Variants in PCDHA10 observed in about 807,000 individuals in gnomAD.
PCDHA10 encodes protocadherin alpha 10.
PCDHA10 carries 45 observed loss-of-function variants against 61.2 expected under a neutral mutation model. The ratio of observed to expected loss-of-function variants is 0.74; its 90% CI spans 0.58 to 0.94. The LOEUF is 0.94. PCDHA10 is among the 40% of genes least tolerant of loss of function. The probability of loss-of-function intolerance (pLI) is 0.00; values close to 1 mark genes in which losing one functional copy is unlikely to be tolerated. For synonymous variants in PCDHA10, 602 were observed against 548.8 expected, an observed-to-expected ratio of 1.10 and a Z score of -1.35; for missense variants, 1,278 against 1,236.2, an observed-to-expected ratio of 1.03 and a Z score of -0.51.
rs1266651704 is a variant in PCDHA10, at chr5:140,877,267, G to A, written c.2388+18831G>A. ...GGTGGCGAAAGTGCGCGCGGTGGAC[G>A]CTGACTCCGGCTATAACGCTTGGCT... On this transcript the variant is annotated intron_variant, in intron 1 of 3. Coordinates refer to ENST00000307360, the MANE Select transcript of PCDHA10 (RefSeq NM_018901.4). 1.2e-5 allele frequency: 20 copies of A among 1,613,680 alleles called. No homozygotes were observed. Among genetic ancestry groups the A allele is most frequent in the Admixed American group, 6.7e-5 (4 of 59,982 alleles).
intron 3 of PCDHA10, among the ~76,000 whole-genome samples, chr5:141,007,506 T>A (rs1370245633): frequency 6.6e-6 from 1 of 151,948 alleles, no homozygotes; most frequent in Non-Finnish European, 1.5e-5. Flanking sequence ...AGGCAGAGAC[T>A]GCAGTGAGCT....
chr5:140,917,314 G>A (rs1554197960), intron 1 of PCDHA10, among the ~76,000 whole-genome samples: 1 of 142,492 alleles, frequency 7.0e-6, no homozygotes, highest in African/African-American at 2.6e-5. Context: ...ACAATTTGGT[G>A]TTCATGTGGC....
intron 1 of PCDHA10, chr5:140,868,773 G>A (rs1343929561): frequency 7.6e-6 from 2 of 262,984 alleles, no homozygotes; most frequent in African/African-American, 4.4e-5. Flanking sequence ...GTTTCAATAT[G>A]ACTTATAATC....
At chr5:140,931,977 T>G (rs1207911799) in intron 1 of PCDHA10, among the ~76,000 whole-genome samples, 2 of 151,978 alleles carry the variant, frequency 1.3e-5, no homozygotes, top group Non-Finnish European at 2.9e-5. Flanking sequence ...TATGTGTTTA[T>G]ATTTTGCTCA....
In PCDHA10 at chr5:140,993,460, TCTCACACA is replaced by T. The variant is rs782648313; in HGVS notation, c.2536+10899_2536+10906del. Among the ~76,000 whole-genome samples, 169 of 104,562 alleles carry T rather than the reference TCTCACACA, an allele frequency of 1.6e-3. 1 individual carries two copies. Among genetic ancestry groups the T allele is most frequent in the East Asian group, 0.012 (43 of 3,448 alleles). 68.6% of individuals were successfully genotyped at this position (104,562 alleles called of 152,430 possible). On this transcript the variant is annotated intron_variant, in intron 3 of 3. Coordinates refer to ENST00000307360, the MANE Select transcript of PCDHA10 (RefSeq NM_018901.4). ...TTCATTCCTGTTCTCCTTCTTTCTT[TCTCACACA>T]CACACACACACACACACACACACAC...
rs576037609 is a variant in PCDHA10, at chr5:140,856,982, A to C, written c.934A>C (p.Ser312Arg). 1.2e-5 allele frequency: 19 copies of C among 1,595,040 alleles called. 1 individual carries two copies. In the South Asian group the frequency reaches 1.9e-4, roughly 16 times the overall value. ...AAATGATGCTATTGACTTTGAGGAC[A>C]GTAACACTTATGAAATTCATGTAGA... is the stretch of plus-strand genomic sequence containing the variant. ...KVNDAIDFED[S>R]NTYEIHVDVT... Residue 312 changes from serine to arginine, a missense_variant, in exon 1 of 4, where the codon AGT becomes CGT. Ser to Arg is a moderately radical substitution (Grantham distance 110). Transcript: ENST00000307360.
chr5:140,892,507 C>T (rs1261497068), intron 1 of PCDHA10, among the ~76,000 whole-genome samples: 1 of 152,162 alleles, frequency 6.6e-6, no homozygotes, highest in Non-Finnish European at 1.5e-5. Context: ...TTAAGAAGTT[C>T]CACCATGACT....
chr5:140,878,257 T>C (rs1266553954), intron 1 of PCDHA10, among the ~76,000 whole-genome samples: 10 of 152,206 alleles, frequency 6.6e-5, no homozygotes, highest in African/African-American at 2.4e-4. Flanking sequence ...CCTCACGTGC[T>C]TAGGCTTTTA....
At chr5:140,952,171 TG>T (rs2094700193) in intron 1 of PCDHA10, among the ~76,000 whole-genome samples, 1 of 152,084 alleles carries the variant, frequency 6.6e-6, no homozygotes, top group Non-Finnish European at 1.5e-5. Context: ...GTTCAGTTCC[TG>T]CAGCTGCTCT....
chr5:140,858,018 C>G lies in PCDHA10; in HGVS notation c.1970C>G (p.Ser657Trp), dbSNP rs1562532510. 6.3e-7 allele frequency: 1 copy of G among 1,596,908 alleles called. No individual in the cohort carries two copies. The highest frequency in any genetic ancestry group is 8.6e-7 in the Non-Finnish European group (1 of 1,167,132). ...CTGGTGAAGGACCATGGCGAGCCGT[C>G]GCTGACGGCCACGGCCACTGTGCTT... Reference protein sequence around the residue: ...LVLVKDHGEPSLTATATVLVS... With the variant: ...LVLVKDHGEPWLTATATVLVS... The change falls in exon 1 of 4, where the codon TCG (serine) becomes TGG (tryptophan). Residue 657 changes from serine (S) to tryptophan (W), a missense_variant. Physicochemically the swap from Ser to Trp is radical, Grantham distance 177. Coordinates refer to ENST00000307360, the MANE Select transcript of PCDHA10 (RefSeq NM_018901.4).
At chr5:140,971,843 G>A (rs1250084892) in intron 1 of PCDHA10, among the ~76,000 whole-genome samples, 2 of 151,906 alleles carry the variant, frequency 1.3e-5, no homozygotes, top group African/African-American at 4.8e-5. Flanking sequence ...TGCAAGTCAT[G>A]CGTTAAATAT....
chr5:140,987,811 CTT>C (rs1444999429), intron 3 of PCDHA10, among the ~76,000 whole-genome samples: 7 of 152,218 alleles, frequency 4.6e-5, no homozygotes, highest in African/African-American at 1.7e-4. Flanking sequence ...GTGCCTGTCT[CTT>C]TGTTTCCTTA....
chr5:140,961,647 G>C (rs1204313600), intron 1 of PCDHA10, among the ~76,000 whole-genome samples: 10 of 152,104 alleles, frequency 6.6e-5, no homozygotes, highest in African/African-American at 2.4e-4. Flanking sequence ...AAGTCTATGT[G>C]GTTAGTTTGA....
intron 1 of PCDHA10, chr5:140,968,123 C>A: frequency 6.2e-7 from 1 of 1,614,178 alleles, no homozygotes; most frequent in Non-Finnish European, 8.5e-7. Context: ...CACATCCCTG[C>A]GTACACTGAA....
chr5:140,920,801 G>A (rs1303863265), intron 1 of PCDHA10, among the ~76,000 whole-genome samples: 2 of 148,716 alleles, frequency 1.3e-5, no homozygotes, highest in Non-Finnish European at 3.0e-5. Context: ...CCAAGATCAC[G>A]CCACTGCACT....
At position 140,856,346 on chromosome 5, in the gene PCDHA10, GAGTGC is replaced by G; in HGVS notation, c.301_305del (p.Cys101HisfsTer24). ...CGAGGAGCTGTGCGGGCGGAGCGTG[GAGTGC>G]AGCATCCACCTGGAGGTGATCGTGG... On this transcript the variant is annotated frameshift_variant, in exon 1 of 4. Coordinates refer to ENST00000307360, the MANE Select transcript of PCDHA10 (RefSeq NM_018901.4). LOFTEE classifies it high-confidence loss of function. The G allele has an allele frequency of 6.3e-7, 1 of 1,598,632 alleles. No individual in the cohort carries two copies. Among genetic ancestry groups the G allele is most frequent in the South Asian group, 1.1e-5 (1 of 90,530 alleles).
At chr5:140,891,052 A>T (rs1554184638) in intron 1 of PCDHA10, among the ~76,000 whole-genome samples, 1 of 152,200 alleles carries the variant, frequency 6.6e-6, no homozygotes, top group Non-Finnish European at 1.5e-5. Flanking sequence ...CCCACAGCAC[A>T]TAGTAAATAT....
intron 1 of PCDHA10, chr5:140,926,803 C>T (rs2083562434): frequency 6.9e-7 from 1 of 1,454,300 alleles, no homozygotes; most frequent in Non-Finnish European, 9.0e-7. Flanking sequence ...GTGCTCTTCC[C>T]CGCGGCTCGT....
intron 1 of PCDHA10, among the ~76,000 whole-genome samples, chr5:140,913,578 A>G (rs1206858917): frequency 2.0e-5 from 3 of 152,072 alleles, no homozygotes; most frequent in Non-Finnish European, 2.9e-5. Context: ...CATTTCAAAT[A>G]TATTTCTGCT....
Sources: allele counts gnomAD v4.1 joint callset (sites outside exome capture counted in the v4.1 genomes callset), GRCh38; gene constraint gnomAD v4.1.1; transcripts MANE v1.5; gene names NCBI Gene and HGNC (gene_info 2026-07-23, HGNC 2026-07-21).